GALNTL6: variants seen among roughly 807,000 people sequenced by gnomAD.
The protein encoded by GALNTL6 is polypeptide N-acetylgalactosaminyltransferase-like 6.
A neutral mutation model predicts 73.7 loss-of-function variants in GALNTL6; 46 were observed. The ratio of observed to expected loss-of-function variants is 0.62; its 90% CI spans 0.49 to 0.80. GALNTL6 has a LOEUF of 0.80. Among genes scored for constraint, GALNTL6 ranks in the 30% least tolerant of loss-of-function variants. The probability of loss-of-function intolerance (pLI) is 0.00; values close to 1 mark genes in which losing one functional copy is unlikely to be tolerated. For missense variants in GALNTL6, 604 were observed against 755.0 expected (o/e 0.80, Z 2.34); for synonymous variants, 259 against 263.7 (o/e 0.98, Z 0.17).
intron 2 of GALNTL6, among the ~76,000 whole-genome samples, chr4:172,096,538 T>TA (rs112060285): frequency 0.069 from 10,356 of 149,314 alleles, 982 homozygotes; most frequent in African/African-American, 0.22. Context: ...GCCCTTTTTA[T>TA]AAAAAAAAAA....
chr4:173,013,309 C>T (rs1030984375), intron 11 of GALNTL6, among the ~76,000 whole-genome samples: 1 of 152,152 alleles, frequency 6.6e-6, no homozygotes, highest in Admixed American at 6.5e-5. Flanking sequence ...GGAAAAGCTT[C>T]ATTTCTTGGG....
intron 2 of GALNTL6, among the ~76,000 whole-genome samples, chr4:171,990,386 A>G (rs1220001304): frequency 1.3e-5 from 2 of 152,180 alleles, no homozygotes; most frequent in Non-Finnish European, 2.9e-5. Context: ...GAAATTGGGT[A>G]GTTAAGTAAT....
At chr4:172,057,715 AAAAAAAAAAAAAAT>A (rs1475102439) in intron 2 of GALNTL6, among the ~76,000 whole-genome samples, 117 of 104,832 alleles carry the variant, frequency 1.1e-3, no homozygotes, top group African/African-American at 3.9e-3. Flanking sequence ...AAAAAAAAAA[AAAAAAAAAAAAAAT>A]ATATATATAT....
At chr4:172,317,679 C>T (rs909131063) in intron 4 of GALNTL6, among the ~76,000 whole-genome samples, 4 of 151,656 alleles carry the variant, frequency 2.6e-5, no homozygotes, top group African/African-American at 7.3e-5. Flanking sequence ...AAATGTGATC[C>T]GTTTTGACTC....
At chr4:172,089,976 T>C (rs956801777) in intron 2 of GALNTL6, among the ~76,000 whole-genome samples, 19 of 152,192 alleles carry the variant, frequency 1.2e-4, no homozygotes, top group African/African-American at 4.3e-4. Flanking sequence ...CCTGTGTTAG[T>C]TTGCTGAGAA....
chr4:172,393,850 G>T (rs1743753450), intron 5 of GALNTL6, among the ~76,000 whole-genome samples: 1 of 151,874 alleles, frequency 6.6e-6, no homozygotes, highest in Non-Finnish European at 1.5e-5. Context: ...TTCAAAAAAT[G>T]GTGTCGATTT....
intron 5 of GALNTL6, among the ~76,000 whole-genome samples, chr4:172,495,136 T>C (rs1303830936): frequency 6.6e-6 from 1 of 152,060 alleles, no homozygotes; most frequent in Non-Finnish European, 1.5e-5. Flanking sequence ...GGCAGGTTTT[T>C]ACAGTATAAC....
At chr4:171,851,540 A>C (rs533601874) in intron 2 of GALNTL6, among the ~76,000 whole-genome samples, 1 of 151,848 alleles carries the variant, frequency 6.6e-6, no homozygotes, top group East Asian at 1.9e-4. Context: ...AAGCAATAAC[A>C]CTCTCAGATA....
intron 7 of GALNTL6, among the ~76,000 whole-genome samples, chr4:172,862,166 G>A (rs1261283157): frequency 2.6e-5 from 4 of 152,178 alleles, no homozygotes; most frequent in Admixed American, 2.0e-4. Context: ...TTGTTAAATG[G>A]CTTTGACCAA....
intron 10 of GALNTL6, among the ~76,000 whole-genome samples, chr4:172,963,822 A>T (rs1320980928): frequency 6.6e-6 from 1 of 152,260 alleles, no homozygotes; most frequent in Non-Finnish European, 1.5e-5. Flanking sequence ...GTTACAAAAT[A>T]TTCCGTTCTG....
At chr4:172,645,445 A>G (rs915231854) in intron 5 of GALNTL6, among the ~76,000 whole-genome samples, 4 of 152,126 alleles carry the variant, frequency 2.6e-5, no homozygotes, top group South Asian at 2.1e-4. Flanking sequence ...TGTATTGAGA[A>G]GATTATCCAT....
intron 8 of GALNTL6, among the ~76,000 whole-genome samples, chr4:172,930,769 A>G (rs1748288291): frequency 6.6e-6 from 1 of 152,160 alleles, no homozygotes; most frequent in Non-Finnish European, 1.5e-5. Flanking sequence ...TCAGCAAGCC[A>G]TTCGCCCAAC....
intron 2 of GALNTL6, among the ~76,000 whole-genome samples, chr4:172,166,593 C>T (rs560498988): frequency 5.9e-5 from 9 of 152,204 alleles, no homozygotes; most frequent in South Asian, 2.1e-4. Context: ...GTAAATAATT[C>T]GTATTATCAA....
chr4:172,732,753 A>C (rs1736227714), intron 5 of GALNTL6, among the ~76,000 whole-genome samples: 1 of 152,198 alleles, frequency 6.6e-6, no homozygotes, highest in Admixed American at 6.5e-5. Context: ...TTGATGAAAC[A>C]AGTTACTTTA....
Position 172,965,500 on chromosome 4 carries a change from G to A in GALNTL6, c.1371+13242G>A, listed in dbSNP as rs549960198. On this transcript the variant is annotated intron_variant, in intron 10 of 12. Coordinates refer to ENST00000506823, the MANE Select transcript of GALNTL6 (RefSeq NM_001034845.3). ...CGGGAGGCTGAGGTGGGAGAATGGC[G>A]TGAACCCAGGAGGCAGAGCTTGCAG... is the stretch of plus-strand genomic sequence containing the variant. 1.2e-4 allele frequency among the ~76,000 whole-genome samples: 18 copies of A among 151,954 alleles called. No individual in the cohort carries two copies. The South Asian group carries it at 2.9e-3, about 25-fold the overall frequency.
chr4:172,456,452 G>GA (rs1385216765), intron 5 of GALNTL6, among the ~76,000 whole-genome samples: 1 of 151,694 alleles, frequency 6.6e-6, no homozygotes, highest in African/African-American at 2.4e-5. Context: ...CTAAAACCTT[G>GA]AAAAAAAGTT....
intron 2 of GALNTL6, among the ~76,000 whole-genome samples, chr4:172,102,802 G>A (rs1364572896): frequency 6.6e-6 from 1 of 152,148 alleles, no homozygotes; most frequent in Non-Finnish European, 1.5e-5. Context: ...TCCCATAGAG[G>A]GTCAGATAGA....
rs1002643567 is a variant in GALNTL6 at position 172,028,110 on chromosome 4, C to A, written c.139-201546C>A. ...TGCAAGATTGTATTGGAAGAAGTGGCCATCTAGGATTTTCACAGCTAGCAA... is the reference window on the plus strand; with the variant it reads ...TGCAAGATTGTATTGGAAGAAGTGGACATCTAGGATTTTCACAGCTAGCAA... On this transcript the variant is annotated intron_variant, in intron 2 of 12. Coordinates refer to ENST00000506823, the MANE Select transcript of GALNTL6 (RefSeq NM_001034845.3). Among the ~76,000 whole-genome samples the A allele has an allele frequency of 2.6e-5, 4 of 152,054 alleles. No individual in the cohort carries two copies. In the South Asian group the frequency reaches 6.2e-4, roughly 24 times the overall value.
At chr4:172,692,058 A>G (rs1317544615) in intron 5 of GALNTL6, among the ~76,000 whole-genome samples, 2 of 152,082 alleles carry the variant, frequency 1.3e-5, no homozygotes, top group East Asian at 3.9e-4. Flanking sequence ...CAAAGGTAGC[A>G]TATGTTTATT....
Sources: allele counts gnomAD v4.1 joint callset (sites outside exome capture counted in the v4.1 genomes callset), GRCh38; gene constraint gnomAD v4.1.1; transcripts MANE v1.5; gene names NCBI Gene and HGNC (gene_info 2026-07-23, HGNC 2026-07-21).